The following BRSK1 variants were observed in gnomAD, a reference collection of about 807,000 sequenced individuals.
BRSK1 encodes BR serine/threonine kinase 1, also known as serine/threonine-protein kinase BRSK1.
A neutral mutation model predicts 86.2 loss-of-function variants in BRSK1; 17 were observed. The observed-to-expected ratio is 0.20, with a 90% CI of 0.14 to 0.30. BRSK1 has a LOEUF of 0.30. Among genes scored for constraint, BRSK1 ranks in the 10% least tolerant of loss-of-function variants. The pLI is 1.00. For synonymous variants in BRSK1, 464 were observed against 440.1 expected (o/e 1.05, Z -0.68); for missense variants, 719 against 1,071.9 (o/e 0.67, Z 4.60).
rs2088453439 is a variant in BRSK1, at chr19:55,294,331, G to A, written c.612G>A (p.Gly204=). ...TCACAACTGGCCTTCCCTTCCAGGG[G>A]GAAAAATATGATGGCCGCCGGGCAG... is the stretch of plus-strand genomic sequence containing the variant. ...PHYACPEVIK[G]EKYDGRRADM... The change falls in exon 7 of 19, where the codon GGG becomes GGA. Residue 204 remains glycine, a splice_region_variant and synonymous_variant. Transcript: ENST00000309383. This position sits in a 1 kb window ranked among gnomAD's most constrained non-coding sequence, Gnocchi z 4.9. 2 of 1,614,136 alleles carry A rather than the reference G, an allele frequency of 1.2e-6. No homozygotes were observed. Among genetic ancestry groups the A allele is most frequent in the African/African-American group, 2.7e-5 (2 of 75,042 alleles).
At chr19:55,296,780 G>A (rs142301951) in intron 7 of BRSK1, among the ~76,000 whole-genome samples, 17,353 of 151,916 alleles carry the variant, frequency 0.11, 1,159 homozygotes, top group Middle Eastern at 0.2. Context: ...CCCGGGAGGC[G>A]GAGCTTGCAG....
chr19:55,303,534 T>C lies in BRSK1; in HGVS notation c.1126+126T>C. Reference sequence around the variant, plus strand: ...TCTGAGCTTCCAGCTTTAGACTGCTTGACTTGCTCTTTGACATTTATCAAA... The same window carrying C: ...TCTGAGCTTCCAGCTTTAGACTGCTCGACTTGCTCTTTGACATTTATCAAA... On this transcript the variant is annotated intron_variant, in intron 11 of 18. Coordinates refer to ENST00000309383, the MANE Select transcript of BRSK1 (RefSeq NM_032430.2). This position sits in a 1 kb window ranked among gnomAD's most constrained non-coding sequence, Gnocchi z 5.1. 6.8e-7 allele frequency: 1 copy of C among 1,476,872 alleles called. No individual in the cohort carries two copies. Among genetic ancestry groups the C allele is most frequent in the Non-Finnish European group, 9.3e-7 (1 of 1,074,148 alleles). The allele number at this position is 1,476,872 out of a possible 1,614,324, so 91.5% of individuals were successfully genotyped here. A position where few individuals can be genotyped will look rare whatever the true frequency, so the allele number is the denominator to read the frequency against.
At chr19:55,299,114 C>A (rs577815856) in intron 7 of BRSK1, among the ~76,000 whole-genome samples, 55 of 152,174 alleles carry the variant, frequency 3.6e-4, no homozygotes, top group African/African-American at 1.3e-3. Context: ...CGAGGTCATG[C>A]CACTGCACTC....
Position 55,302,016 on chromosome 19 carries a change from G to A in BRSK1, c.826-121G>A. On this transcript the variant is annotated intron_variant, in intron 8 of 18. Coordinates refer to ENST00000309383, the MANE Select transcript of BRSK1 (RefSeq NM_032430.2). This position sits in a 1 kb window ranked among gnomAD's most constrained non-coding sequence, Gnocchi z 6.3. ...AGAGGGCGATGTAATATGTCATCCTGCCCCCGGTGGGGTGGGCGGGGAGAT... is the reference window on the plus strand; with the variant it reads ...AGAGGGCGATGTAATATGTCATCCTACCCCCGGTGGGGTGGGCGGGGAGAT... 1 of 1,160,664 alleles carries A rather than the reference G, an allele frequency of 8.6e-7. No homozygotes were observed. Among genetic ancestry groups the A allele is most frequent in the Admixed American group, 1.7e-5 (1 of 59,448 alleles). The allele number at this position is 1,160,664 out of a possible 1,614,324, so 71.9% of individuals were successfully genotyped here. A position where few individuals can be genotyped will look rare whatever the true frequency, so the allele number is the denominator to read the frequency against.
Position 55,304,835 on chromosome 19 carries a change from C to A in BRSK1, c.1632C>A (p.Val544=), listed in dbSNP as rs1188306016. ...CACCCCCCAGCCCCGGCGGTGGCGT[C>A]GGGGGAGCCGCCTGGAGGAGTCGTC... ...TTPPPSPGGG[V]GGAAWRSRLN... Residue 544 remains valine (V), a synonymous_variant, in exon 14 of 19, where the codon GTC becomes GTA. Transcript: ENST00000309383. This position sits in a 1 kb window ranked among gnomAD's most constrained non-coding sequence, Gnocchi z 5.2. The A allele has an allele frequency of 6.2e-7, 1 of 1,600,326 alleles. No homozygotes were observed. Among genetic ancestry groups the A allele is most frequent in the South Asian group, 1.1e-5 (1 of 89,818 alleles).
chr19:55,291,683 T>C (rs1288913374), intron 4 of BRSK1, among the ~76,000 whole-genome samples: 1 of 152,170 alleles, frequency 6.6e-6, no homozygotes, highest in African/African-American at 2.4e-5. Flanking sequence ...GGAGATGGGG[T>C]GGGGATCACG....
rs750891925 is a variant in BRSK1 at position 55,306,899 on chromosome 19, C to G, written c.2089+449C>G. ...AGCCAAAGGGTGAAGACACAGCACACTGCTGTCTAATATCAGTCTGCCCAG... is the reference window on the plus strand; with the variant it reads ...AGCCAAAGGGTGAAGACACAGCACAGTGCTGTCTAATATCAGTCTGCCCAG... On this transcript the variant is annotated intron_variant, in intron 17 of 18. Transcript: ENST00000309383. The surrounding 1 kb of genome is among the most constrained non-coding windows in gnomAD (Gnocchi z 4.7). 2.6e-5 allele frequency among the ~76,000 whole-genome samples: 4 copies of G among 152,216 alleles called. No individual in the cohort carries two copies. Among genetic ancestry groups the G allele is most frequent in the Non-Finnish European group, 5.9e-5 (4 of 68,044 alleles).
Position 55,304,946 on chromosome 19 carries a change from C to A in BRSK1, c.1717+26C>A. On this transcript the variant is annotated intron_variant, in intron 14 of 18. Transcript: ENST00000309383. This position sits in a 1 kb window ranked among gnomAD's most constrained non-coding sequence, Gnocchi z 5.2. ...GTATGGGGGCATGAACTGCCGAGTC[C>A]TAATGTGGGGAGAGGTTGGGGCTAA... 6.2e-7 allele frequency: 1 copy of A among 1,601,402 alleles called. No individual in the cohort carries two copies.
rs372052269 is a variant in BRSK1 at position 55,312,533 on chromosome 19, C to CAAAAAAAAAAAAAA, written c.*481_*494dup. 10 of 25,736 alleles carry CAAAAAAAAAAAAAA rather than the reference C, an allele frequency of 3.9e-4. No individual in the cohort carries two copies. The highest frequency in any genetic ancestry group is 5.3e-4 in the African/African-American group (3 of 5,646). The allele number at this position is 25,736 out of a possible 1,614,324, so 1.6% of individuals were successfully genotyped here. A position where few individuals can be genotyped will look rare whatever the true frequency, so the allele number is the denominator to read the frequency against. On this transcript the variant is annotated 3_prime_UTR_variant, in exon 19 of 19. Transcript: ENST00000309383. ...TCCGTGTCTCTGATTCCGCCGGCGGCAAAAAAAAAAAAAAAAAAAAAAAAA... is the reference window on the plus strand; with the variant it reads ...TCCGTGTCTCTGATTCCGCCGGCGGCAAAAAAAAAAAAAAAAAAAAAAAAAAAAAAAAAAAAAAA...
At chr19:55,289,994 A>ATTGTT in intron 4 of BRSK1, among the ~76,000 whole-genome samples, 1 of 151,244 alleles carries the variant, frequency 6.6e-6, no homozygotes, top group East Asian at 1.9e-4. Flanking sequence ...CCCTTTTTGT[A>ATTGTT]TTGTTTTGTT....
chr19:55,305,429 C>A (rs376445456), intron 15 of BRSK1, 34 bp from the exon 16 acceptor site: 2 of 1,614,110 alleles, frequency 1.2e-6, no homozygotes, highest in African/African-American at 2.7e-5. Context: ...TCGGCGCCTT[C>A]CTAACCCTCC....
intron 7 of BRSK1, among the ~76,000 whole-genome samples, chr19:55,299,330 A>C (rs1362815567): frequency 6.6e-6 from 1 of 152,134 alleles, no homozygotes; most frequent in Non-Finnish European, 1.5e-5. Flanking sequence ...AACTCTCAAG[A>C]ATAACAAGAA....
intron 7 of BRSK1, among the ~76,000 whole-genome samples, chr19:55,299,011 A>G (rs1467710054): frequency 1.3e-5 from 2 of 152,128 alleles, no homozygotes; most frequent in African/African-American, 4.8e-5. Flanking sequence ...AGGCGGGCAG[A>G]TCACGAAGTC....
At position 55,302,176 on chromosome 19, in the gene BRSK1, TG is replaced by T; in HGVS notation, c.857+12del. 6.2e-7 allele frequency: 1 copy of T among 1,612,082 alleles called. No individual in the cohort carries two copies. The highest frequency in any genetic ancestry group is 8.5e-7 in the Non-Finnish European group (1 of 1,179,154). On this transcript the variant is annotated intron_variant, in intron 9 of 18. Coordinates refer to ENST00000309383, the MANE Select transcript of BRSK1 (RefSeq NM_032430.2). This position sits in a 1 kb window ranked among gnomAD's most constrained non-coding sequence, Gnocchi z 6.3. ...GAAACATCCTTGGTACCTGTGAGTATGGGGTAACTGGACTCTTGGGTCCCTG... is the reference window on the plus strand; with the variant it reads ...GAAACATCCTTGGTACCTGTGAGTATGGGTAACTGGACTCTTGGGTCCCTG...
rs2122930582 is a variant in BRSK1 at position 55,287,380 on chromosome 19, TA to T, written c.317+82del. On this transcript the variant is annotated intron_variant, in intron 3 of 18. Coordinates refer to ENST00000309383, the MANE Select transcript of BRSK1 (RefSeq NM_032430.2). The surrounding 1 kb of genome is among the most constrained non-coding windows in gnomAD (Gnocchi z 5.3). Reference sequence around the variant, plus strand: ...GTGGGACTTCTCCAGAAACAGGGCCTAGGGGGACCTGGGGGACCTGCAGCTC... The same window carrying T: ...GTGGGACTTCTCCAGAAACAGGGCCTGGGGGACCTGGGGGACCTGCAGCTC... 3.0e-6 allele frequency: 4 copies of T among 1,354,408 alleles called. No individual in the cohort carries two copies. The Admixed American group carries it at 6.9e-5, about 23-fold the overall frequency. The allele number at this position is 1,354,408 out of a possible 1,614,324, so 83.9% of individuals were successfully genotyped here. A position where few individuals can be genotyped will look rare whatever the true frequency, so the allele number is the denominator to read the frequency against.
chr19:55,293,039 G>A (rs1432909361), intron 4 of BRSK1, among the ~76,000 whole-genome samples: 2 of 151,694 alleles, frequency 1.3e-5, no homozygotes, highest in Non-Finnish European at 2.9e-5. Context: ...CCAAAAGGCC[G>A]AGAAGCAATG....
Position 55,284,588 on chromosome 19 carries a change from G to A in BRSK1, c.136+10G>A, listed in dbSNP as rs2088280055. On this transcript the variant is annotated intron_variant, in intron 1 of 18. Transcript: ENST00000309383. The stretch of plus-strand genomic sequence containing the variant: ...GGCAAAGGACAGACAGGTGAGCCTA[G>A]CAGAAGGGGACACCTGGGGCGGGGG... 3 of 1,219,632 alleles carry A rather than the reference G, an allele frequency of 2.5e-6. No individual in the cohort carries two copies. The highest frequency in any genetic ancestry group is 3.7e-5 in the East Asian group (1 of 27,038). The allele number at this position is 1,219,632 out of a possible 1,614,324, so 75.6% of individuals were successfully genotyped here.
rs752251740 is a variant in BRSK1, at chr19:55,302,892, C to T, written c.1028+25C>T. On this transcript the variant is annotated intron_variant, in intron 10 of 18. Transcript: ENST00000309383. This position sits in a 1 kb window ranked among gnomAD's most constrained non-coding sequence, Gnocchi z 6.3. ...AGTAAGACCCCAAGACCCCTGCACC[C>T]GTGTACCCACGTGGGGCGAGCTGCA... 48 of 1,597,490 alleles carry T rather than the reference C, an allele frequency of 3.0e-5. No individual in the cohort carries two copies. The highest frequency in any genetic ancestry group is 1.4e-4 in the South Asian group (13 of 90,576).
rs1192375650 is a variant in BRSK1, at chr19:55,303,417, G to C, written c.1126+9G>C. The C allele has an allele frequency of 6.2e-7, 1 of 1,612,326 alleles. No homozygotes were observed. The highest frequency in any genetic ancestry group is 8.5e-7 in the Non-Finnish European group (1 of 1,178,504). ...TCCCCGGAATGATGTTGGTGAGAAG[G>C]CAGGGCTAGGGGACCAGACACCTGG... On this transcript the variant is annotated intron_variant, in intron 11 of 18. Transcript: ENST00000309383. The surrounding 1 kb of genome is among the most constrained non-coding windows in gnomAD (Gnocchi z 5.1).
Sources: gnomAD v4.1 joint callset for allele counts (sites outside exome capture counted in the v4.1 genomes callset) on GRCh38, gnomAD v4.1.1 for gene constraint, Gnocchi (gnomAD v3.1) non-coding constraint, MANE v1.5 for transcripts, NCBI Gene and HGNC (gene_info 2026-07-23, HGNC 2026-07-21) for gene names.